FBLN1: variants seen among roughly 807,000 people sequenced by gnomAD.
FBLN1 encodes fibulin-1.
A neutral mutation model predicts 89.7 loss-of-function variants in FBLN1; 34 were observed. The ratio of observed to expected loss-of-function variants is 0.38; its 90% CI spans 0.29 to 0.50. FBLN1 has a LOEUF of 0.50. FBLN1 is among the 20% of genes least tolerant of loss of function. The pLI, the probability that FBLN1 is intolerant of heterozygous loss-of-function variation, is 0.92. For missense variants in FBLN1, 777 were observed against 988.1 expected (o/e 0.79, Z 2.86); for synonymous variants, 393 against 391.3 (o/e 1.00, Z -0.05).
chr22:45,552,713 T>C (rs2088720489), intron 14 of FBLN1, among the ~76,000 whole-genome samples: 1 of 152,176 alleles, frequency 6.6e-6, no homozygotes, highest in Non-Finnish European at 1.5e-5. Context: ...CTCAGACGGC[T>C]TCCATCTGGG....
rs1438629905 is a variant in FBLN1, at chr22:45,575,743, G to A, written c.1840+1090G>A. ...TTCTCTGGAGCAGGGCCTGGGCTGC[G>A]TGCTCCCAAGCCTGGCAGAGGGCTA... On this transcript the variant is annotated intron_variant, in intron 15 of 16. Transcript: ENST00000327858. The surrounding 1 kb of genome is among the most constrained non-coding windows in gnomAD (Gnocchi z 6.3). Among the ~76,000 whole-genome samples, 5 of 152,160 alleles carry A rather than the reference G, an allele frequency of 3.3e-5. No individual in the cohort carries two copies. Among genetic ancestry groups the A allele is most frequent in the African/African-American group, 7.2e-5 (3 of 41,422 alleles).
chr22:45,523,190 A>G, intron 2 of FBLN1: 1 of 778,140 alleles, frequency 1.3e-6, no homozygotes, highest in East Asian at 2.4e-5. Flanking sequence ...CCAGCGCAAG[A>G]GCCCAGAGGA....
intron 2 of FBLN1, among the ~76,000 whole-genome samples, chr22:45,519,624 C>A (rs1176038130): frequency 1.7e-3 from 200 of 117,180 alleles, no homozygotes; most frequent in Middle Eastern, 0.014. Flanking sequence ...AACTCTAACT[C>A]AAAAAAAAAA....
intron 16 of FBLN1, among the ~76,000 whole-genome samples, chr22:45,596,881 TAC>T (rs1027951833): frequency 5.4e-5 from 8 of 148,206 alleles, no homozygotes; most frequent in East Asian, 3.9e-4. Context: ...CTATTTAAAA[TAC>T]AGTTATATAA....
chr22:45,518,339 AGG>A (rs1358007590), intron 1 of FBLN1, among the ~76,000 whole-genome samples: 2 of 152,016 alleles, frequency 1.3e-5, no homozygotes, highest in African/African-American at 4.8e-5. Flanking sequence ...CTGTGAAGGC[AGG>A]GACCCTGTCT....
chr22:45,556,848 C>T lies in FBLN1; in HGVS notation c.1697+6233C>T, dbSNP rs935540931. Among the ~76,000 whole-genome samples the T allele has an allele frequency of 2.0e-5, 3 of 152,244 alleles. No individual in the cohort carries two copies. The highest frequency in any genetic ancestry group is 2.1e-4 in the South Asian group (1 of 4,816). On this transcript the variant is annotated intron_variant, in intron 14 of 16. Coordinates refer to ENST00000327858, the MANE Select transcript of FBLN1 (RefSeq NM_006486.3). This position sits in a 1 kb window ranked among gnomAD's most constrained non-coding sequence, Gnocchi z 4.6. The stretch of plus-strand genomic sequence containing the variant: ...TCTAGGCCAGCAGAACGTAATGTTG[C>T]AGGAACAGGAAGCAAAAATTTTGCT...
At position 45,580,274 on chromosome 22, in the gene FBLN1, G is replaced by A. The variant is rs1291830283; in HGVS notation, c.1972+3166G>A. Among the ~76,000 whole-genome samples, 1 of 152,148 alleles carries A rather than the reference G, an allele frequency of 6.6e-6. No homozygotes were observed. The highest frequency in any genetic ancestry group is 2.4e-5 in the African/African-American group (1 of 41,446). ...CTGCTCCTGGTGGGGAGCGTGGGAG[G>A]CTCTTGAGCCTCCTGGGCAGCCCCG... On this transcript the variant is annotated intron_variant, in intron 16 of 16. Transcript: ENST00000327858. The surrounding 1 kb of genome is among the most constrained non-coding windows in gnomAD (Gnocchi z 8.6).
At chr22:45,555,873 C>T (rs543203618) in intron 14 of FBLN1, among the ~76,000 whole-genome samples, 139 of 152,208 alleles carry the variant, frequency 9.1e-4, no homozygotes, top group African/African-American at 3.1e-3. Flanking sequence ...ATAAAGTTAA[C>T]GATACTTAAA....
At chr22:45,554,403 C>A (rs926688888) in intron 14 of FBLN1, among the ~76,000 whole-genome samples, 1 of 152,244 alleles carries the variant, frequency 6.6e-6, no homozygotes, top group Non-Finnish European at 1.5e-5. Flanking sequence ...GCCAGCAGCA[C>A]CCGTGCCCAC....
At chr22:45,527,287 C>T (rs2088341725) in intron 3 of FBLN1, among the ~76,000 whole-genome samples, 1 of 152,158 alleles carries the variant, frequency 6.6e-6, no homozygotes, top group African/African-American at 2.4e-5. Context: ...GACCTGGGCC[C>T]AGGTGGCAGA....
Position 45,576,042 on chromosome 22 carries a change from G to A in FBLN1, c.1841-935G>A, listed in dbSNP as rs563354443. ...TACACCATGACACAACCATGCGGGG[G>A]GGTGGGGGGAGGAGAGGCTCCCTCA... On this transcript the variant is annotated intron_variant, in intron 15 of 16. Transcript: ENST00000327858. The surrounding 1 kb of genome is among the most constrained non-coding windows in gnomAD (Gnocchi z 5.2). Among the ~76,000 whole-genome samples the A allele has an allele frequency of 1.3e-5, 2 of 152,310 alleles. No homozygotes were observed. Among genetic ancestry groups the A allele is most frequent in the Non-Finnish European group, 1.5e-5 (1 of 68,016 alleles).
Position 45,545,812 on chromosome 22 carries a change from C to T in FBLN1, c.1322-1273C>T, listed in dbSNP as rs868666713. On this transcript the variant is annotated intron_variant, in intron 11 of 16. Coordinates refer to ENST00000327858, the MANE Select transcript of FBLN1 (RefSeq NM_006486.3). The surrounding 1 kb of genome is among the most constrained non-coding windows in gnomAD (Gnocchi z 5.9). ...CACAATCTCTGTTGCAACCGCTGAA[C>T]TCTGCTGTGGTAGCAGAGAAGTGGC... 3.9e-5 allele frequency among the ~76,000 whole-genome samples: 6 copies of T among 152,312 alleles called. No individual in the cohort carries two copies. The highest frequency in any genetic ancestry group is 2.1e-4 in the South Asian group (1 of 4,820).
rs1276438674 is a variant in FBLN1 at position 45,550,287 on chromosome 22, A to G, written c.1574-205A>G. 6.6e-6 allele frequency among the ~76,000 whole-genome samples: 1 copy of G among 152,230 alleles called. No individual in the cohort carries two copies. The highest frequency in any genetic ancestry group is 1.5e-5 in the Non-Finnish European group (1 of 68,038). On this transcript the variant is annotated intron_variant, in intron 13 of 16. Transcript: ENST00000327858. The surrounding 1 kb of genome is among the most constrained non-coding windows in gnomAD (Gnocchi z 8.4). Reference sequence around the variant, plus strand: ...GCTCCCTCCAGGGATTGCGAATGATAAGTTAACACTCTATAAATGTAAATA... The same window carrying G: ...GCTCCCTCCAGGGATTGCGAATGATGAGTTAACACTCTATAAATGTAAATA...
intron 14 of FBLN1, among the ~76,000 whole-genome samples, chr22:45,573,072 A>G (rs1486716707): frequency 6.6e-6 from 1 of 151,998 alleles, no homozygotes; most frequent in Non-Finnish European, 1.5e-5. Context: ...ACTAAATACA[A>G]AAAATTAGCC....
chr22:45,548,590 T>C (rs2088661146), intron 12 of FBLN1, 23 bp from the exon 13 acceptor site: 2 of 1,613,340 alleles, frequency 1.2e-6, no homozygotes, highest in African/African-American at 1.3e-5. Flanking sequence ...ACACTGAGGC[T>C]GAGGTGGGCT....
At chr22:45,511,647 A>C (rs2088102532) in intron 1 of FBLN1, among the ~76,000 whole-genome samples, 1 of 151,914 alleles carries the variant, frequency 6.6e-6, no homozygotes, top group Non-Finnish European at 1.5e-5. Context: ...GGGTTTTACC[A>C]TGTTGGCCAG....
rs572588725 is a variant in FBLN1, at chr22:45,600,460, G to A, written c.*14G>A. Reference sequence around the variant, plus strand: ...TACTGGTTCTGAGGGCTGGTCTGCCGCACAGCCGCAGGTGCACCTCCAGGC... The same window carrying A: ...TACTGGTTCTGAGGGCTGGTCTGCCACACAGCCGCAGGTGCACCTCCAGGC... On this transcript the variant is annotated 3_prime_UTR_variant, in exon 17 of 17. Coordinates refer to ENST00000327858, the MANE Select transcript of FBLN1 (RefSeq NM_006486.3). 6.2e-6 allele frequency: 10 copies of A among 1,613,936 alleles called. No homozygotes were observed. The highest frequency in any genetic ancestry group is 2.2e-5 in the East Asian group (1 of 44,890).
chr22:45,566,643 G>A (rs748515415), intron 14 of FBLN1, among the ~76,000 whole-genome samples: 3 of 152,206 alleles, frequency 2.0e-5, no homozygotes, highest in Admixed American at 1.3e-4. Context: ...AGCAGGCAGC[G>A]CCTGATACAG....
In FBLN1 at chr22:45,577,716, G is replaced by C. The variant is rs2089009761; in HGVS notation, c.1972+608G>C. On this transcript the variant is annotated intron_variant, in intron 16 of 16. Coordinates refer to ENST00000327858, the MANE Select transcript of FBLN1 (RefSeq NM_006486.3). This position sits in a 1 kb window ranked among gnomAD's most constrained non-coding sequence, Gnocchi z 6.6. Reference sequence around the variant, plus strand: ...CTTTCTCCCTGGAGATCCGGTGTTTGGGGAGCGTGAAGGGAGGCTGGGGCA... The same window carrying C: ...CTTTCTCCCTGGAGATCCGGTGTTTCGGGAGCGTGAAGGGAGGCTGGGGCA... Among the ~76,000 whole-genome samples, 1 of 152,206 alleles carries C rather than the reference G, an allele frequency of 6.6e-6. No homozygotes were observed.
Sources: gnomAD v4.1 joint callset for allele counts (sites outside exome capture counted in the v4.1 genomes callset) on GRCh38, gnomAD v4.1.1 for gene constraint, Gnocchi (gnomAD v3.1) non-coding constraint, MANE v1.5 for transcripts, NCBI Gene and HGNC (gene_info 2026-07-23, HGNC 2026-07-21) for gene names.